Variants in ZNF385D observed in about 807,000 individuals in gnomAD.
ZNF385D encodes zinc finger protein 659.
In ZNF385D, 15 loss-of-function variants were observed where a neutral mutation model predicts 35.8. The ratio of observed to expected loss-of-function variants is 0.42; its 90% CI spans 0.28 to 0.64. The LOEUF (loss-of-function observed/expected upper bound fraction) is 0.64, where lower values mean the gene tolerates loss of function less well. Among genes scored for constraint, ZNF385D ranks in the 30% least tolerant of loss-of-function variants. ZNF385D has a pLI of 0.23. For synonymous variants in ZNF385D, 212 were observed against 186.8 expected, an observed-to-expected ratio of 1.13 and a Z score of -1.10; for missense variants, 474 against 494.6, an observed-to-expected ratio of 0.96 and a Z score of 0.39.
At chr3:22,020,453 T>A (rs779098) in intron 3 of ZNF385D, among the ~76,000 whole-genome samples, 24,085 of 151,788 alleles carry the variant, frequency 0.16, 2,132 homozygotes, top group Middle Eastern at 0.33. Flanking sequence ...GACCTAAACA[T>A]AGATAAGGCT....
intron 2 of ZNF385D, among the ~76,000 whole-genome samples, chr3:22,224,065 T>C (rs1046717732): frequency 2.0e-5 from 3 of 152,138 alleles, no homozygotes; most frequent in Middle Eastern, 3.2e-3. Context: ...CCCAAGTATA[T>C]GCAAGACACT....
intron 3 of ZNF385D, among the ~76,000 whole-genome samples, chr3:21,520,666 T>C (rs1707849312): frequency 6.6e-6 from 1 of 152,216 alleles, no homozygotes. Context: ...AGCCAAGGAA[T>C]AATATGGAGA....
intron 2 of ZNF385D, among the ~76,000 whole-genome samples, chr3:22,359,333 G>A (rs1265570607): frequency 6.6e-6 from 1 of 151,704 alleles, no homozygotes; most frequent in Non-Finnish European, 1.5e-5. Context: ...TAAAAAATGA[G>A]CAGGTGTCTC....
At chr3:21,844,983 T>C (rs1403937931) in intron 3 of ZNF385D, among the ~76,000 whole-genome samples, 2 of 151,832 alleles carry the variant, frequency 1.3e-5, no homozygotes, top group South Asian at 4.2e-4. Context: ...GTTGATGTAC[T>C]GCCAAATCAT....
rs2066730421 is a variant in ZNF385D, at chr3:21,676,364, T to C, written c.23-11336A>G. ...TCGGCCTCAATGTGATTGTTTCTTC[T>C]GGCAGGTTGTGCTTAAAACAAACCT... On this transcript the variant is annotated intron_variant, in intron 1 of 7. Transcript: ENST00000281523. Among the ~76,000 whole-genome samples, 8 of 152,296 alleles carry C rather than the reference T, an allele frequency of 5.3e-5. 1 individual carries two copies. The highest frequency in any genetic ancestry group is 5.2e-4 in the Admixed American group (8 of 15,268).
At chr3:22,365,224 G>T (rs539783807) in intron 2 of ZNF385D, among the ~76,000 whole-genome samples, 24 of 151,980 alleles carry the variant, frequency 1.6e-4, no homozygotes, top group African/African-American at 5.5e-4. Flanking sequence ...CACTTAAAAT[G>T]ATTAAGATGA....
chr3:21,763,079 A>C (rs2125590507), intron 3 of ZNF385D, among the ~76,000 whole-genome samples: 1 of 152,208 alleles, frequency 6.6e-6, no homozygotes, highest in Non-Finnish European at 1.5e-5. Context: ...AATAAGACAA[A>C]TTTCCCAAAG....
chr3:22,023,688 C>T (rs1559857288), intron 3 of ZNF385D, among the ~76,000 whole-genome samples: 1 of 151,894 alleles, frequency 6.6e-6, no homozygotes, highest in East Asian at 1.9e-4. Context: ...TGATGATTCA[C>T]TAAATCTCAA....
At chr3:22,189,253 G>A (rs1051082049) in intron 2 of ZNF385D, among the ~76,000 whole-genome samples, 9 of 152,104 alleles carry the variant, frequency 5.9e-5, no homozygotes, top group Non-Finnish European at 1.0e-4. Flanking sequence ...GGCATAAACT[G>A]CAAGTGATGG....
At chr3:21,531,466 A>G (rs542051942) in intron 3 of ZNF385D, among the ~76,000 whole-genome samples, 4 of 152,328 alleles carry the variant, frequency 2.6e-5, no homozygotes, top group Admixed American at 6.5e-5. Context: ...ATATAAATTT[A>G]TAGCAGCTTT....
At chr3:22,240,008 C>A (rs1273737583) in intron 2 of ZNF385D, among the ~76,000 whole-genome samples, 2 of 148,468 alleles carry the variant, frequency 1.3e-5, no homozygotes, top group Non-Finnish European at 3.0e-5. Flanking sequence ...AAAACCCAGT[C>A]TCTACAAAAA....
chr3:21,556,251 C>CT (rs1435517604), intron 3 of ZNF385D, among the ~76,000 whole-genome samples: 3 of 151,860 alleles, frequency 2.0e-5, no homozygotes, highest in African/African-American at 7.3e-5. Context: ...TCTATTTTGG[C>CT]TTTTGTTGCC....
At chr3:22,315,403 G>A (rs924389097) in intron 2 of ZNF385D, among the ~76,000 whole-genome samples, 5 of 152,278 alleles carry the variant, frequency 3.3e-5, no homozygotes, top group Non-Finnish European at 5.9e-5. Context: ...GCTGACCTAC[G>A]GATGGTATTT....
intron 3 of ZNF385D, among the ~76,000 whole-genome samples, chr3:21,757,882 G>A (rs1410842567): frequency 6.6e-6 from 1 of 152,098 alleles, no homozygotes; most frequent in Non-Finnish European, 1.5e-5. Flanking sequence ...TGCCTCAGAT[G>A]GTGTCTGAAA....
chr3:22,326,721 G>A (rs1157439), intron 2 of ZNF385D, among the ~76,000 whole-genome samples: 80,828 of 152,044 alleles, frequency 0.53, 21,908 homozygotes, highest in African/African-American at 0.56. Flanking sequence ...TAGTGACAAA[G>A]TCTACCTAAG....
At chr3:21,854,746 T>C (rs878965827) in intron 3 of ZNF385D, among the ~76,000 whole-genome samples, 1 of 152,078 alleles carries the variant, frequency 6.6e-6, no homozygotes, top group East Asian at 1.9e-4. Context: ...TCATAACTTT[T>C]GGCATTTAAT....
rs142991893 is a variant in ZNF385D, at chr3:21,782,854, C to T, written c.326-117826G>A. Among the ~76,000 whole-genome samples, 827 of 152,014 alleles carry T rather than the reference C, an allele frequency of 5.4e-3. 12 individuals are homozygous for T. Among genetic ancestry groups the T allele is most frequent in the African/African-American group, 0.019 (782 of 41,464 alleles). ...ATGGTATGTTTTATCAGAGGATGAG[C>T]GGGGAGGAAGAACAGAAATGTAACT... On this transcript the variant is annotated intron_variant, in intron 3 of 5. Coordinates refer to the ZNF385D transcript ENST00000494108.
chr3:21,635,404 A>G (rs566679814), intron 2 of ZNF385D, among the ~76,000 whole-genome samples: 8 of 152,090 alleles, frequency 5.3e-5, no homozygotes, highest in Non-Finnish European at 8.8e-5. Context: ...TTGTGTTTCA[A>G]TATTGTCCCC....
At chr3:22,359,823 A>T (rs75085455) in intron 2 of ZNF385D, among the ~76,000 whole-genome samples, 1 of 151,910 alleles carries the variant, frequency 6.6e-6, no homozygotes, top group Non-Finnish European at 1.5e-5. Context: ...TAAACAAATG[A>T]ATTTATAATA....
Sources: gnomAD v4.1 joint callset for allele counts (sites outside exome capture counted in the v4.1 genomes callset) on GRCh38, gnomAD v4.1.1 for gene constraint, MANE v1.5 for transcripts, NCBI Gene and HGNC (gene_info 2026-07-23, HGNC 2026-07-21) for gene names.